Variants in TENM1 observed in about 807,000 individuals in gnomAD.
TENM1 encodes teneurin-1.
TENM1 carries 35 observed loss-of-function variants against 174.8 expected under a neutral mutation model. The ratio of observed to expected loss-of-function variants is 0.20; its 90% CI spans 0.15 to 0.27. TENM1 has a LOEUF of 0.27. Among genes scored for constraint, TENM1 ranks in the 10% least tolerant of loss-of-function variants. The pLI, the probability that TENM1 is intolerant of heterozygous loss-of-function variation, is 1.00. For missense variants in TENM1, 1,633 were observed against 2,130.1 expected (o/e 0.77, Z 4.59); for synonymous variants, 781 against 798.7 (o/e 0.98, Z 0.37).
the TENM1 span, among the ~76,000 whole-genome samples, chrX:124,976,077 G>A: frequency 9.0e-6 from 1 of 110,841 alleles, no homozygotes; most frequent in Non-Finnish European, 1.9e-5. Context: ...GGTTAAAGTT[G>A]TCAGCTTTCT....
At chrX:124,832,580 T>A (rs1391598141) in intron 3 of TENM1, among the ~76,000 whole-genome samples, 1 of 112,164 alleles carries the variant, frequency 8.9e-6, no homozygotes, top group Non-Finnish European at 1.9e-5. Context: ...GGAATTTACA[T>A]ATAGAAAGCC....
At chrX:124,420,769 T>G (rs760629145) in exon 25 of TENM1, 13 of 1,210,733 alleles carry the variant, frequency 1.1e-5, no homozygotes, top group Non-Finnish European at 1.5e-5. Flanking sequence ...CAGGCGACAC[T>G]GCTAAGGAGG....
At chrX:125,192,668 T>TA in the TENM1 span, among the ~76,000 whole-genome samples, 1 of 111,753 alleles carries the variant, frequency 8.9e-6, no homozygotes, top group African/African-American at 3.3e-5. Context: ...TGTCAGGTGT[T>TA]AAAAAAGAGA....
chrX:125,184,353 A>G, the TENM1 span, among the ~76,000 whole-genome samples: 1 of 108,097 alleles, frequency 9.3e-6, no homozygotes, highest in Non-Finnish European at 1.9e-5. Flanking sequence ...TTCACAAATG[A>G]CATTATATGC....
chrX:124,588,570 T>A (rs1267012015), intron 11 of TENM1, among the ~76,000 whole-genome samples: 2 of 109,210 alleles, frequency 1.8e-5, no homozygotes, highest in African/African-American at 6.7e-5. Context: ...GAGGGATAGC[T>A]TTAGGAGATA....
At chrX:124,589,825 C>T (rs1041636148) in intron 11 of TENM1, among the ~76,000 whole-genome samples, 2 of 111,336 alleles carry the variant, frequency 1.8e-5, no homozygotes, top group East Asian at 5.6e-4. Context: ...TTTAATCTAG[C>T]TAGTGGTGTA....
chrX:124,935,754 T>G (rs2058235913), intron 1 of TENM1, among the ~76,000 whole-genome samples: 1 of 112,703 alleles, frequency 8.9e-6, no homozygotes, highest in South Asian at 3.7e-4. Flanking sequence ...AGATGTCTCA[T>G]GAGTATCTAA....
At chrX:124,588,556 T>C (rs1216627283) in intron 11 of TENM1, among the ~76,000 whole-genome samples, 1 of 88,542 alleles carries the variant, frequency 1.1e-5, no homozygotes, top group Admixed American at 1.3e-4. Flanking sequence ...GTGGGGGGAG[T>C]GGGGAGGGAT....
chrX:124,383,761 G>T, exon 30 of TENM1: 2 of 1,210,815 alleles, frequency 1.7e-6, no homozygotes, highest in Non-Finnish European at 2.2e-6. Flanking sequence ...TTGTCCATCT[G>T]CCAGCAACAA....
At chrX:124,814,349 A>G (rs754356684) in intron 3 of TENM1, among the ~76,000 whole-genome samples, 7 of 111,426 alleles carry the variant, frequency 6.3e-5, no homozygotes, top group Non-Finnish European at 1.3e-4. Flanking sequence ...TATTATTGCT[A>G]TTGTTTATTA....
chrX:124,640,817 C>G (rs190629548), intron 11 of TENM1, among the ~76,000 whole-genome samples: 2 of 109,909 alleles, frequency 1.8e-5, no homozygotes, highest in South Asian at 7.9e-4. Flanking sequence ...AAAAATTAGC[C>G]GGTCGTGGTG....
chrX:124,609,272 AGG>A (rs2050231164), intron 11 of TENM1, among the ~76,000 whole-genome samples: 1 of 111,790 alleles, frequency 8.9e-6, no homozygotes, highest in Non-Finnish European at 1.9e-5. Flanking sequence ...TTAATCTGAT[AGG>A]GTAGAAAATT....
At chrX:124,605,770 C>T (rs780209207) in intron 11 of TENM1, among the ~76,000 whole-genome samples, 2 of 111,578 alleles carry the variant, frequency 1.8e-5, no homozygotes, top group African/African-American at 3.3e-5. Context: ...CAATGTTGCG[C>T]ATCATTAATA....
chrX:124,945,995 A>G (rs1349578115), intron 1 of TENM1, among the ~76,000 whole-genome samples: 1 of 111,890 alleles, frequency 8.9e-6, no homozygotes, highest in Non-Finnish European at 1.9e-5. Flanking sequence ...GGAGGCAGTC[A>G]TGAATGATTC....
At chrX:124,542,466 T>A (rs2148108799) in intron 15 of TENM1, among the ~76,000 whole-genome samples, 1 of 108,478 alleles carries the variant, frequency 9.2e-6, no homozygotes, top group South Asian at 4.1e-4. Flanking sequence ...ATGTGCCTAG[T>A]GCTGTACTAA....
Position 124,422,263 on chromosome X carries a change from AG to A in TENM1, c.4471+8del. Reference sequence around the variant, plus strand: ...AGGGGAAGCTGGTGAATTGCTAAAAAGGTCATACCTGAAAAACAGTCACAGT... The same window carrying A: ...AGGGGAAGCTGGTGAATTGCTAAAAAGTCATACCTGAAAAACAGTCACAGT... On this transcript the variant is annotated splice_region_variant and intron_variant, in intron 24 of 31. Coordinates refer to ENST00000422452, the Ensembl canonical transcript of TENM1. The A allele has an allele frequency of 1.7e-6, 2 of 1,195,292 alleles. No individual in the cohort carries two copies. Among genetic ancestry groups the A allele is most frequent in the Non-Finnish European group, 2.3e-6 (2 of 885,924 alleles).
chrX:125,097,985 C>T, the TENM1 span, among the ~76,000 whole-genome samples: 5 of 112,518 alleles, frequency 4.4e-5, no homozygotes, highest in African/African-American at 9.7e-5. Context: ...AAGTGTCGGC[C>T]GGGCGCGGTG....
At chrX:124,449,907 G>A (rs2061009921) in intron 23 of TENM1, among the ~76,000 whole-genome samples, 1 of 111,163 alleles carries the variant, frequency 9.0e-6, no homozygotes, top group African/African-American at 3.3e-5. Flanking sequence ...GCTCAAGGTG[G>A]GTGGAGGTGG....
intron 22 of TENM1, among the ~76,000 whole-genome samples, 177 bp downstream of exon 25, chrX:124,481,555 G>A (rs966482556): frequency 1.0e-4 from 11 of 109,152 alleles, no homozygotes; most frequent in Non-Finnish European, 2.1e-4. Flanking sequence ...AATGCATTAT[G>A]TGCCTTGGAT....
Sources: gnomAD v4.1 joint callset for allele counts (sites outside exome capture counted in the v4.1 genomes callset) on GRCh38, gnomAD v4.1.1 for gene constraint, MANE v1.5 for transcripts, NCBI Gene and HGNC (gene_info 2026-07-23, HGNC 2026-07-21) for gene names.